Variants in SEMA4D observed in about 807,000 individuals in gnomAD.
The protein encoded by SEMA4D is semaphorin-4D.
SEMA4D carries 22 observed loss-of-function variants against 74.8 expected under a neutral mutation model. The observed-to-expected ratio is 0.29, with a 90% CI of 0.21 to 0.42. SEMA4D has a LOEUF of 0.42. Among genes scored for constraint, SEMA4D ranks in the 10% least tolerant of loss-of-function variants. The probability of loss-of-function intolerance (pLI) is 1.00; values close to 1 mark genes in which losing one functional copy is unlikely to be tolerated. For missense variants in SEMA4D, 937 were observed against 1,118.4 expected, an observed-to-expected ratio of 0.84 and a Z score of 2.31; for synonymous variants, 445 against 463.7, an observed-to-expected ratio of 0.96 and a Z score of 0.52.
chr9:89,370,021 T>C (rs541752826), intron 16 of SEMA4D, among the ~76,000 whole-genome samples: 1 of 151,858 alleles, frequency 6.6e-6, no homozygotes, highest in African/African-American at 2.4e-5. Context: ...GTGTGTGATG[T>C]GTGTTGTATG....
chr9:89,393,738 C>T, intron 6 of SEMA4D, 83 bp from the exon 7 acceptor site: 2 of 1,135,060 alleles, frequency 1.8e-6, no homozygotes, highest in South Asian at 2.5e-5. Flanking sequence ...CTTCATTTTA[C>T]AAATTTGCTC....
chr9:89,383,280 C>G (rs1203138549), intron 13 of SEMA4D, among the ~76,000 whole-genome samples: 1 of 152,166 alleles, frequency 6.6e-6, no homozygotes, highest in Admixed American at 6.5e-5. Context: ...TCCCCCACCC[C>G]CAGTGTGGAC....
intron 2 of SEMA4D, among the ~76,000 whole-genome samples, chr9:89,443,127 C>T (rs117578916): frequency 1.1e-3 from 162 of 152,344 alleles, no homozygotes; most frequent in South Asian, 1.9e-3. Flanking sequence ...CAGTCCAGAG[C>T]CCAGCCCCAT....
downstream of SEMA4D, among the ~76,000 whole-genome samples, chr9:89,375,394 G>A (rs143173035): frequency 9.2e-5 from 14 of 152,304 alleles, no homozygotes; most frequent in East Asian, 2.7e-3. Flanking sequence ...GCCTAGCAAA[G>A]CTCCGTCTCC....
chr9:89,402,902 T>G lies in SEMA4D; in HGVS notation c.221A>C (p.Asn74Thr). ...CTGCTTCTCGGAGATGTTGAGTGCG[T>G]TCACAGCGAAGACCGCCTCCCGGGC... ...IGAREAVFAVNALNISEKQHE... is the reference protein window; with the variant it reads ...IGAREAVFAVTALNISEKQHE... The change falls in exon 4 of 16, where the codon AAC (asparagine) becomes ACC (threonine). Residue 74 changes from asparagine (N) to threonine (T), a missense_variant. Asn to Thr is a moderately conservative substitution (Grantham distance 65). Transcript: ENST00000422704. 1 of 1,613,988 alleles carries G rather than the reference T, an allele frequency of 6.2e-7. No individual in the cohort carries two copies. The highest frequency in any genetic ancestry group is 8.5e-7 in the Non-Finnish European group (1 of 1,179,940).
intron 2 of SEMA4D, chr9:89,449,890 G>A: frequency 6.8e-7 from 1 of 1,466,682 alleles, no homozygotes; most frequent in East Asian, 2.3e-5. Flanking sequence ...ATTGACCTTG[G>A]GGTCCATGTG....
chr9:89,371,058 GTATGTCTGGGGTGTGGGGTGTGTGT>G lies in SEMA4D; in HGVS notation c.1882+5750_1882+5774del, dbSNP rs759363558. On this transcript the variant is annotated intron_variant, in intron 16 of 18. Transcript: ENST00000339861. Reference sequence around the variant, plus strand: ...GGTGTGGTGTGTGTCAGGGGTATGTGTATGTCTGGGGTGTGGGGTGTGTGTTATGTCTGGGGTGTATAAGGTGTGT... The same window carrying G: ...GGTGTGGTGTGTGTCAGGGGTATGTGTATGTCTGGGGTGTATAAGGTGTGT... Among the ~76,000 whole-genome samples the G allele has an allele frequency of 2.3e-3, 250 of 106,440 alleles. 3 individuals carry two copies. Among genetic ancestry groups the G allele is most frequent in the Non-Finnish European group, 4.1e-3 (217 of 52,712 alleles). The allele number at this position is 106,440 out of a possible 152,430, so 69.8% of individuals were successfully genotyped here.
At position 89,452,717 on chromosome 9, in the gene SEMA4D, T is replaced by G. The variant is rs548599851; in HGVS notation, c.-244+3171A>C. ...ATCTACCCACCTCGGCCTCCCAAAGTGCTGGGATTATATGCGTGAGCCACC... is the reference window on the plus strand; with the variant it reads ...ATCTACCCACCTCGGCCTCCCAAAGGGCTGGGATTATATGCGTGAGCCACC... On this transcript the variant is annotated intron_variant, in intron 2 of 15. Coordinates refer to ENST00000422704, the MANE Select transcript of SEMA4D (RefSeq NM_001371194.2). 3.9e-5 allele frequency among the ~76,000 whole-genome samples: 6 copies of G among 152,268 alleles called. No homozygotes were observed. In the South Asian group the frequency reaches 1.0e-3, roughly 26 times the overall value.
Position 89,493,806 on chromosome 9 carries a change from A to T in SEMA4D, c.-310+4113T>A, listed in dbSNP as rs534660466. Among the ~76,000 whole-genome samples the T allele has an allele frequency of 2.6e-5, 4 of 152,354 alleles. No individual in the cohort carries two copies. In the East Asian group the frequency reaches 7.7e-4, roughly 29 times the overall value. ...TTTACTAAATGGAAGAAGAAAACAA[A>T]GACACCACAGGAAATGCTGGAACAA... On this transcript the variant is annotated intron_variant, in intron 1 of 15. Transcript: ENST00000422704.
At chr9:89,469,603 A>G (rs1434918949) in intron 1 of SEMA4D, among the ~76,000 whole-genome samples, 1 of 152,226 alleles carries the variant, frequency 6.6e-6, no homozygotes, top group African/African-American at 2.4e-5. Context: ...AAAACACAAG[A>G]TTGACTCAGT....
intron 16 of SEMA4D, among the ~76,000 whole-genome samples, chr9:89,369,723 C>T (rs1834244732): frequency 1.3e-5 from 2 of 152,264 alleles, no homozygotes; most frequent in Admixed American, 6.5e-5. Flanking sequence ...TCAGTTCAGA[C>T]GAGCAGAGCT....
At chr9:89,392,054 G>C (rs1351738400) in intron 8 of SEMA4D, among the ~76,000 whole-genome samples, 2 of 152,264 alleles carry the variant, frequency 1.3e-5, no homozygotes, top group East Asian at 3.8e-4. Flanking sequence ...TGGGCCCGGA[G>C]GCAGGTCCCA....
intron 1 of SEMA4D, among the ~76,000 whole-genome samples, chr9:89,467,144 G>A (rs975767931): frequency 3.9e-5 from 6 of 152,162 alleles, no homozygotes; most frequent in Non-Finnish European, 8.8e-5. Flanking sequence ...CGTGTATCAT[G>A]CCTGCCTCCT....
At chr9:89,390,141 A>C (rs1018317962) in intron 9 of SEMA4D, among the ~76,000 whole-genome samples, 2 of 152,194 alleles carry the variant, frequency 1.3e-5, no homozygotes, top group Non-Finnish European at 2.9e-5. Flanking sequence ...TAATAAGTCA[A>C]GGTCAAGGCA....
intron 2 of SEMA4D, among the ~76,000 whole-genome samples, chr9:89,412,559 C>T (rs943809792): frequency 3.3e-5 from 5 of 152,206 alleles, no homozygotes; most frequent in African/African-American, 7.2e-5. Flanking sequence ...CAGCAGGGCA[C>T]GGGCACCCCC....
chr9:89,449,705 T>C, intron 2 of SEMA4D: 1 of 1,518,476 alleles, frequency 6.6e-7, no homozygotes, highest in Non-Finnish European at 9.1e-7. Context: ...TGAGCCTGTG[T>C]GAGAAAGGTG....
intron 2 of SEMA4D, among the ~76,000 whole-genome samples, chr9:89,445,588 C>G (rs537527189): frequency 5.9e-5 from 9 of 152,236 alleles, no homozygotes; most frequent in Admixed American, 3.9e-4. Context: ...TCCAGAGAAG[C>G]AGAACCAATA....
Position 89,381,402 on chromosome 9 carries a change from T to C in SEMA4D, c.1447-56A>G, listed in dbSNP as rs1014500434. 1.1e-5 allele frequency: 16 copies of C among 1,422,362 alleles called. No homozygotes were observed. In the Admixed American group the frequency reaches 2.8e-4, roughly 25 times the overall value. 88.1% of individuals were successfully genotyped at this position (1,422,362 alleles called of 1,614,324 possible). On this transcript the variant is annotated intron_variant, in intron 13 of 15. Coordinates refer to ENST00000422704, the MANE Select transcript of SEMA4D (RefSeq NM_001371194.2). The surrounding 1 kb of genome is among the most constrained non-coding windows in gnomAD (Gnocchi z 4.6). ...TCAGGCAAGCAGGCATCCAGGAGCA[T>C]GGCCTCTGCTTCTGCACCAGTGTGT...
At chr9:89,479,090 T>C (rs1002807056) in intron 1 of SEMA4D, among the ~76,000 whole-genome samples, 13 of 152,192 alleles carry the variant, frequency 8.5e-5, no homozygotes, top group African/African-American at 2.7e-4. Context: ...GGAGCTCCCA[T>C]GGCTGCCTGT....
Sources: gnomAD v4.1 joint callset for allele counts (sites outside exome capture counted in the v4.1 genomes callset) on GRCh38, gnomAD v4.1.1 for gene constraint, Gnocchi (gnomAD v3.1) non-coding constraint, MANE v1.5 for transcripts, NCBI Gene and HGNC (gene_info 2026-07-23, HGNC 2026-07-21) for gene names.